SHISA9: variants seen among roughly 807,000 people sequenced by gnomAD.
The protein encoded by SHISA9 is shisa family member 9, also known as protein shisa-9.
A neutral mutation model predicts 38.0 loss-of-function variants in SHISA9; 13 were observed. That is an observed-to-expected ratio of 0.34 (90% CI 0.22 to 0.54). The LOEUF (loss-of-function observed/expected upper bound fraction) is 0.54, where lower values mean the gene tolerates loss of function less well. Among genes scored for constraint, SHISA9 ranks in the 20% least tolerant of loss-of-function variants. SHISA9 has a pLI of 0.91. For missense variants in SHISA9, 538 were observed against 575.8 expected, an observed-to-expected ratio of 0.93 and a Z score of 0.67; for synonymous variants, 275 against 242.0, an observed-to-expected ratio of 1.14 and a Z score of -1.27.
chr16:13,210,331 G>A (rs756973894), intron 3 of SHISA9, among the ~76,000 whole-genome samples: 2 of 152,106 alleles, frequency 1.3e-5, no homozygotes, highest in African/African-American at 2.4e-5. Flanking sequence ...ATGATCATGT[G>A]CCCTTAAGAT....
intron 2 of SHISA9, among the ~76,000 whole-genome samples, chr16:13,018,117 C>T (rs2072779506): frequency 6.6e-6 from 1 of 152,214 alleles, no homozygotes; most frequent in Admixed American, 6.5e-5. Context: ...ATGGTGACTT[C>T]TGGAGCCTTG....
the SHISA9 span, among the ~76,000 whole-genome samples, chr16:13,552,218 C>T: frequency 6.6e-6 from 1 of 152,150 alleles, no homozygotes; most frequent in Non-Finnish European, 1.5e-5. Flanking sequence ...GGAGCTCAGG[C>T]TCTGCAGGGA....
intron 2 of SHISA9, among the ~76,000 whole-genome samples, chr16:12,935,960 G>T (rs1391003025): frequency 6.6e-6 from 1 of 152,096 alleles, no homozygotes; most frequent in South Asian, 2.1e-4. Context: ...GAAGGCTACT[G>T]AGGCAGGTGG....
At chr16:13,316,335 G>A in the SHISA9 span, among the ~76,000 whole-genome samples, 42 of 152,190 alleles carry the variant, frequency 2.8e-4, no homozygotes, top group Non-Finnish European at 5.0e-4. Flanking sequence ...CTTCTGTCTA[G>A]GGGATTCTGT....
intron 2 of SHISA9, among the ~76,000 whole-genome samples, chr16:13,177,630 G>C (rs2050742859): frequency 6.6e-6 from 1 of 151,630 alleles, no homozygotes; most frequent in Non-Finnish European, 1.5e-5. Context: ...ACTGGCTCCT[G>C]GAGGCAAGAA....
At chr16:13,004,245 T>C (rs1258485527) in intron 2 of SHISA9, among the ~76,000 whole-genome samples, 1 of 152,142 alleles carries the variant, frequency 6.6e-6, no homozygotes, top group Non-Finnish European at 1.5e-5. Flanking sequence ...GTCCATTTTA[T>C]TGGGATCCAA....
chr16:13,186,361 G>T (rs563712778), intron 2 of SHISA9, among the ~76,000 whole-genome samples: 1 of 140,076 alleles, frequency 7.1e-6, no homozygotes, highest in African/African-American at 2.7e-5. Context: ...GCAGTGGTGC[G>T]ATCTCGGCTC....
the SHISA9 span, among the ~76,000 whole-genome samples, chr16:13,425,137 T>G: frequency 6.6e-6 from 1 of 152,092 alleles, no homozygotes; most frequent in Non-Finnish European, 1.5e-5. Flanking sequence ...CGCTTATAGG[T>G]GGGAGCTAAA....
At chr16:13,393,756 C>T in the SHISA9 span, among the ~76,000 whole-genome samples, 2 of 152,132 alleles carry the variant, frequency 1.3e-5, no homozygotes, top group African/African-American at 4.8e-5. Flanking sequence ...GGGAGTGATA[C>T]ACTGCTTAGG....
At chr16:13,211,230 G>A (rs4781434) in intron 3 of SHISA9, among the ~76,000 whole-genome samples, 29,805 of 151,630 alleles carry the variant, frequency 0.2, 3,152 homozygotes, top group East Asian at 0.36. Flanking sequence ...CCGGGGGGCA[G>A]TGGGGGTGGA....
At chr16:13,131,869 C>T (rs187220205) in intron 2 of SHISA9, among the ~76,000 whole-genome samples, 320 of 152,264 alleles carry the variant, frequency 2.1e-3, no homozygotes, top group Admixed American at 6.3e-3. Context: ...TCCATGATAC[C>T]ATCCTCCCTT....
rs1402335113 is a variant in SHISA9 at position 12,913,296 on chromosome 16, A to G, written c.564-3392A>G. Reference sequence around the variant, plus strand: ...ACTGCAATCTCCACCTCCTGGGTTCAAGCAATTCTCCTGCCCCAGCCTCCT... The same window carrying G: ...ACTGCAATCTCCACCTCCTGGGTTCGAGCAATTCTCCTGCCCCAGCCTCCT... On this transcript the variant is annotated intron_variant, in intron 1 of 4. Coordinates refer to ENST00000558583, the MANE Select transcript of SHISA9 (RefSeq NM_001145204.3). Among the ~76,000 whole-genome samples, 3 of 152,114 alleles carry G rather than the reference A, an allele frequency of 2.0e-5. No homozygotes were observed. In the East Asian group the frequency reaches 5.8e-4, roughly 29 times the overall value.
chr16:13,007,896 G>T (rs1036671641), intron 2 of SHISA9, among the ~76,000 whole-genome samples: 10 of 152,144 alleles, frequency 6.6e-5, no homozygotes, highest in African/African-American at 2.4e-4. Flanking sequence ...GAAGGGGCAG[G>T]GTTTTAGTAT....
chr16:12,984,695 C>T (rs1262614122), intron 2 of SHISA9, among the ~76,000 whole-genome samples: 1 of 152,134 alleles, frequency 6.6e-6, no homozygotes, highest in Non-Finnish European at 1.5e-5. Context: ...CATGGGTGTC[C>T]TGATGGGTGC....
the SHISA9 span, among the ~76,000 whole-genome samples, chr16:13,274,204 A>G: frequency 6.6e-6 from 1 of 152,166 alleles, no homozygotes; most frequent in Admixed American, 6.5e-5. Flanking sequence ...ATAAAAGGGG[A>G]AGATGGATAG....
chr16:13,359,742 G>C, the SHISA9 span, among the ~76,000 whole-genome samples: 1 of 152,318 alleles, frequency 6.6e-6, no homozygotes, highest in African/African-American at 2.4e-5. Flanking sequence ...AGCAGATGCG[G>C]TTGGTGCCAG....
chr16:13,428,027 C>G, the SHISA9 span, among the ~76,000 whole-genome samples: 1 of 152,264 alleles, frequency 6.6e-6, no homozygotes, highest in South Asian at 2.1e-4. Context: ...TACGAAAAAT[C>G]TAAGCATAAA....
chr16:13,358,951 C>T, the SHISA9 span, among the ~76,000 whole-genome samples: 1 of 152,182 alleles, frequency 6.6e-6, no homozygotes, highest in Non-Finnish European at 1.5e-5. Flanking sequence ...CTGAACTTAG[C>T]AGATTACTGA....
intron 2 of SHISA9, among the ~76,000 whole-genome samples, chr16:12,949,002 C>T (rs931438986): frequency 6.6e-6 from 1 of 152,054 alleles, no homozygotes; most frequent in Non-Finnish European, 1.5e-5. Context: ...GTGTTAGTTT[C>T]CTTATCTTTA....
Sources: gnomAD v4.1 joint callset for allele counts (sites outside exome capture counted in the v4.1 genomes callset) on GRCh38, gnomAD v4.1.1 for gene constraint, MANE v1.5 for transcripts, NCBI Gene and HGNC (gene_info 2026-07-23, HGNC 2026-07-21) for gene names.